SHANK2: variants seen among roughly 807,000 people sequenced by gnomAD.
SHANK2 encodes SH3 and multiple ankyrin repeat domains 2, also known as SH3 and multiple ankyrin repeat domains protein 2.
A neutral mutation model predicts 133.7 loss-of-function variants in SHANK2; 43 were observed. The ratio of observed to expected loss-of-function variants is 0.32; its 90% CI spans 0.25 to 0.41. The LOEUF (loss-of-function observed/expected upper bound fraction) is 0.41, where lower values mean the gene tolerates loss of function less well. Among genes scored for constraint, SHANK2 ranks in the 10% least tolerant of loss-of-function variants. The probability of loss-of-function intolerance (pLI) is 1.00; values close to 1 mark genes in which losing one functional copy is unlikely to be tolerated. For synonymous variants in SHANK2, 1,017 were observed against 952.8 expected (o/e 1.07, Z -1.24); for missense variants, 1,994 against 2,235.8 (o/e 0.89, Z 2.18).
intron 11 of SHANK2, among the ~76,000 whole-genome samples, chr11:70,837,991 A>AAAAAAAAG (rs1948847548): frequency 2.0e-5 from 3 of 150,504 alleles, no homozygotes; most frequent in African/African-American, 7.3e-5. Flanking sequence ...AAAAAAAAAA[A>AAAAAAAAG]AAAAAAAAAA....
chr11:71,173,108 T>C (rs546605742), intron 2 of SHANK2, among the ~76,000 whole-genome samples: 1 of 152,366 alleles, frequency 6.6e-6, no homozygotes, highest in Non-Finnish European at 1.5e-5. Context: ...AAATCACGCC[T>C]TGTTTGATGA....
At chr11:70,698,865 A>G (rs1476153732) in intron 14 of SHANK2, 102 bp from the exon 15 acceptor site, 11 of 711,860 alleles carry the variant, frequency 1.5e-5, no homozygotes, top group Admixed American at 6.0e-5. Context: ...CTACTCCCCA[A>G]AATGTGAGAT....
intron 10 of SHANK2, among the ~76,000 whole-genome samples, chr11:70,936,502 ACT>A (rs1258781772): frequency 1.3e-5 from 2 of 152,186 alleles, no homozygotes; most frequent in African/African-American, 4.8e-5. Flanking sequence ...ACAGAGTGAA[ACT>A]CTGTCTTAAA....
intron 17 of SHANK2, among the ~76,000 whole-genome samples, chr11:70,547,770 T>C (rs1387351934): frequency 6.6e-6 from 1 of 152,238 alleles, no homozygotes; most frequent in East Asian, 1.9e-4. Flanking sequence ...CTCTACGTAA[T>C]TGTCTTCCAA....
intron 17 of SHANK2, among the ~76,000 whole-genome samples, chr11:70,598,431 G>A (rs2060431035): frequency 6.6e-6 from 1 of 152,226 alleles, no homozygotes; most frequent in African/African-American, 2.4e-5. Context: ...TGAACCAGAA[G>A]TTGCAAATCC....
At chr11:71,225,001 A>C (rs1954617513) in intron 1 of SHANK2, among the ~76,000 whole-genome samples, 1 of 152,164 alleles carries the variant, frequency 6.6e-6, no homozygotes, top group Non-Finnish European at 1.5e-5. Flanking sequence ...AAACAAACCT[A>C]ACACTCTGCA....
chr11:70,819,800 A>G (rs1555055332), intron 12 of SHANK2, among the ~76,000 whole-genome samples: 1 of 152,136 alleles, frequency 6.6e-6, no homozygotes, highest in African/African-American at 2.4e-5. Flanking sequence ...CCTGAGGGTT[A>G]GCGCTACCTG....
chr11:70,566,140 A>G (rs1010996077), intron 17 of SHANK2, among the ~76,000 whole-genome samples: 5 of 152,136 alleles, frequency 3.3e-5, no homozygotes, highest in East Asian at 3.9e-4. Context: ...GTTCACTACT[A>G]TGAGAACAGT....
intron 13 of SHANK2, among the ~76,000 whole-genome samples, chr11:70,803,429 C>A (rs1228915533): frequency 8.6e-4 from 4 of 4,642 alleles, no homozygotes; most frequent in African/African-American, 1.7e-3. Context: ...CCATTCCAAG[C>A]ACTGTGTCAC....
intron 17 of SHANK2, among the ~76,000 whole-genome samples, chr11:70,628,684 G>A (rs1432015682): frequency 1.3e-5 from 2 of 152,136 alleles, no homozygotes; most frequent in African/African-American, 4.8e-5. Context: ...CCGGCTTCCC[G>A]AGCTCCAGGC....
chr11:70,524,258 C>T (rs1591534837), intron 17 of SHANK2, among the ~76,000 whole-genome samples: 1 of 152,362 alleles, frequency 6.6e-6, no homozygotes, highest in East Asian at 1.9e-4. Context: ...GTGAATGCCA[C>T]CATCGGAGAT....
intron 21 of SHANK2, among the ~76,000 whole-genome samples, chr11:70,496,299 G>A (rs2058969781): frequency 6.6e-6 from 1 of 152,222 alleles, no homozygotes; most frequent in African/African-American, 2.4e-5. Flanking sequence ...CAGAAGCCAT[G>A]TGTCTGTTTT....
intron 3 of SHANK2, among the ~76,000 whole-genome samples, chr11:71,143,513 C>T (rs1555106162): frequency 1.3e-5 from 2 of 152,176 alleles, no homozygotes; most frequent in Admixed American, 6.5e-5. Context: ...TGTAAACAAG[C>T]GTCTGACTGC....
intron 9 of SHANK2, among the ~76,000 whole-genome samples, chr11:71,057,651 G>A (rs1239239444): frequency 6.6e-6 from 1 of 151,978 alleles, no homozygotes; most frequent in Non-Finnish European, 1.5e-5. Flanking sequence ...TTGGGCTCAG[G>A]CAATTCTCCC....
intron 2 of SHANK2, among the ~76,000 whole-genome samples, chr11:71,190,040 T>C (rs1310787156): frequency 1.3e-5 from 2 of 152,170 alleles, no homozygotes; most frequent in African/African-American, 4.8e-5. Flanking sequence ...CCAGCCCTTA[T>C]CTGCAAGGAA....
At chr11:70,908,176 T>C in intron 10 of SHANK2, 1 of 251,310 alleles carries the variant, frequency 4.0e-6, no homozygotes, top group Non-Finnish European at 8.0e-6. Flanking sequence ...AAACAGATTG[T>C]TGCTTAAGAG....
chr11:70,846,969 G>C (rs1316233854), intron 11 of SHANK2, among the ~76,000 whole-genome samples: 1 of 152,200 alleles, frequency 6.6e-6, no homozygotes, highest in African/African-American at 2.4e-5. Flanking sequence ...CTGCCACGGG[G>C]ACTGGCTGCT....
intron 17 of SHANK2, among the ~76,000 whole-genome samples, chr11:70,522,572 G>A (rs1409203389): frequency 6.6e-6 from 1 of 152,202 alleles, no homozygotes; most frequent in Non-Finnish European, 1.5e-5. Flanking sequence ...CCCCTCTATC[G>A]TCTCTCATCC....
At chr11:71,150,453 G>A (rs1952776352) in intron 2 of SHANK2, among the ~76,000 whole-genome samples, 1 of 151,488 alleles carries the variant, frequency 6.6e-6, no homozygotes, top group Admixed American at 6.6e-5. Context: ...AAGAAGGAAA[G>A]CTGAGAAGAC....
Sources: allele counts gnomAD v4.1 joint callset (sites outside exome capture counted in the v4.1 genomes callset), GRCh38; gene constraint gnomAD v4.1.1; transcripts MANE v1.5; gene names NCBI Gene and HGNC (gene_info 2026-07-23, HGNC 2026-07-21).